PIEZO2: variants seen among roughly 807,000 people sequenced by gnomAD.
PIEZO2 encodes piezo type mechanosensitive ion channel component 2, also known as piezo-type mechanosensitive ion channel component 2.
In PIEZO2, 172 loss-of-function variants were observed where a neutral mutation model predicts 337.3. The observed-to-expected ratio is 0.51, with a 90% CI of 0.45 to 0.58. The LOEUF (loss-of-function observed/expected upper bound fraction) is 0.58, where lower values mean the gene tolerates loss of function less well. Ranked by LOEUF, PIEZO2 falls within the 20% of genes least tolerant of loss-of-function variation. PIEZO2 has a pLI of 0.00. For synonymous variants in PIEZO2, 1,251 were observed against 1,228.5 expected, an observed-to-expected ratio of 1.02 and a Z score of -0.38; for missense variants, 3,028 against 3,391.3, an observed-to-expected ratio of 0.89 and a Z score of 2.66.
At chr18:10,849,796 G>A (rs999293296) in intron 7 of PIEZO2, among the ~76,000 whole-genome samples, 1 of 152,206 alleles carries the variant, frequency 6.6e-6, no homozygotes, top group Non-Finnish European at 1.5e-5. Context: ...CATTAGCTGA[G>A]GCAAATTTTG....
chr18:10,860,331 T>A (rs1162702988), intron 5 of PIEZO2, among the ~76,000 whole-genome samples: 1 of 152,188 alleles, frequency 6.6e-6, no homozygotes, highest in Non-Finnish European at 1.5e-5. Flanking sequence ...TCAGCATTCC[T>A]TGCAAGAAAT....
Position 10,773,886 on chromosome 18 carries a change from G to C in PIEZO2, c.2567+120C>G, listed in dbSNP as rs2038694084. The stretch of plus-strand genomic sequence containing the variant: ...TTCTAGTGATTAGTTGGTAATGAGA[G>C]CTATCAACACCTAAACTTGACATTT... On this transcript the variant is annotated intron_variant, in intron 19 of 55. Transcript: ENST00000674853. This position sits in a 1 kb window ranked among gnomAD's most constrained non-coding sequence, Gnocchi z 5.3. 1.6e-6 allele frequency: 1 copy of C among 643,508 alleles called. No homozygotes were observed. The highest frequency in any genetic ancestry group is 1.8e-5 in the African/African-American group (1 of 54,812). The allele number at this position is 643,508 out of a possible 1,614,324, so 39.9% of individuals were successfully genotyped here.
At chr18:10,693,892 A>T (rs1266002404) in intron 47 of PIEZO2, among the ~76,000 whole-genome samples, 1 of 152,160 alleles carries the variant, frequency 6.6e-6, no homozygotes, top group African/African-American at 2.4e-5. Flanking sequence ...AATGTATTTT[A>T]TGTATTCTAT....
At chr18:10,717,003 G>A (rs2036036532) in intron 37 of PIEZO2, among the ~76,000 whole-genome samples, 1 of 152,092 alleles carries the variant, frequency 6.6e-6, no homozygotes, top group Non-Finnish European at 1.5e-5. Context: ...GTGAGGACTC[G>A]ACTTTAACCA....
chr18:10,677,731 GA>G lies in PIEZO2; in HGVS notation c.8081+15del, dbSNP rs1384421632. 2 of 1,605,204 alleles carry G rather than the reference GA, an allele frequency of 1.2e-6. No individual in the cohort carries two copies. Among genetic ancestry groups the G allele is most frequent in the Non-Finnish European group, 1.7e-6 (2 of 1,177,948 alleles). On this transcript the variant is annotated intron_variant, in intron 53 of 55. Coordinates refer to ENST00000674853, the MANE Select transcript of PIEZO2 (RefSeq NM_001378183.1). This position sits in a 1 kb window ranked among gnomAD's most constrained non-coding sequence, Gnocchi z 4.1. Reference sequence around the variant, plus strand: ...ATACCTAACAAAGCTCTATTAGTAGGAAAAAATACACTTACACTGGTGTTTT... The same window carrying G: ...ATACCTAACAAAGCTCTATTAGTAGGAAAAATACACTTACACTGGTGTTTT...
At chr18:11,091,393 A>G (rs1242239474) in intron 1 of PIEZO2, among the ~76,000 whole-genome samples, 2 of 123,202 alleles carry the variant, frequency 1.6e-5, no homozygotes, top group African/African-American at 5.7e-5. Context: ...CAAAAAAAAA[A>G]AAAAAAGAAA....
At chr18:10,907,318 A>G (rs117097309) in intron 4 of PIEZO2, among the ~76,000 whole-genome samples, 2,519 of 152,102 alleles carry the variant, frequency 0.017, 28 homozygotes, top group Middle Eastern at 0.065. Context: ...TGGCGGGTGC[A>G]TGTAATCTCA....
intron 2 of PIEZO2, among the ~76,000 whole-genome samples, chr18:11,058,192 G>C (rs760318996): frequency 2.0e-5 from 3 of 152,200 alleles, no homozygotes; most frequent in Admixed American, 6.5e-5. Flanking sequence ...CAGGCAAACA[G>C]GGTCTGGAGT....
chr18:10,696,283 G>A lies in PIEZO2; in HGVS notation c.6981C>T (p.His2327=). The A allele has an allele frequency of 1.9e-6, 3 of 1,614,184 alleles. No homozygotes were observed. Among genetic ancestry groups the A allele is most frequent in the African/African-American group, 1.3e-5 (1 of 75,052 alleles). Residue 2327 remains histidine (H), a synonymous_variant, in exon 47 of 56, where the codon CAC becomes CAT. Coordinates refer to ENST00000674853, the MANE Select transcript of PIEZO2 (RefSeq NM_001378183.1). The part of the protein sequence containing the change: ...IVFGFWAFGK[H]SAAADITSSL... ...AAGAGGTGATGTCTGCAGCTGCTGA[G>A]TGTTTCTGGGGAAGAGACAACAAAT...
intron 7 of PIEZO2, among the ~76,000 whole-genome samples, chr18:10,832,329 G>C (rs533732134): frequency 3.3e-5 from 5 of 152,256 alleles, no homozygotes; most frequent in East Asian, 1.9e-4. Flanking sequence ...TTAGGGGAAG[G>C]GGGGGATATA....
intron 4 of PIEZO2, among the ~76,000 whole-genome samples, chr18:10,873,802 A>G (rs2042198151): frequency 6.6e-6 from 1 of 152,154 alleles, no homozygotes. Flanking sequence ...TGACACTACT[A>G]GAAGAAAACA....
At chr18:10,777,611 T>A (rs2038834980) in intron 18 of PIEZO2, among the ~76,000 whole-genome samples, 1 of 152,202 alleles carries the variant, frequency 6.6e-6, no homozygotes, top group African/African-American at 2.4e-5. Context: ...TTTGAAAAGC[T>A]GCATAGTAAA....
rs753888652 is a variant in PIEZO2 at position 10,698,904 on chromosome 18, A to C, written c.6694+21T>G. 3.0e-5 allele frequency: 46 copies of C among 1,535,716 alleles called. 1 individual carries two copies. In the South Asian group the frequency reaches 4.0e-4, roughly 14 times the overall value. Reference sequence around the variant, plus strand: ...CACCTGGGAGCTAACTACAGCCTAGATATATTGTGTCGACAGATACCTCTT... The same window carrying C: ...CACCTGGGAGCTAACTACAGCCTAGCTATATTGTGTCGACAGATACCTCTT... On this transcript the variant is annotated intron_variant, in intron 44 of 55. Transcript: ENST00000674853.
intron 49 of PIEZO2, among the ~76,000 whole-genome samples, chr18:10,687,585 C>T (rs1177033012): frequency 6.6e-6 from 1 of 152,128 alleles, no homozygotes; most frequent in African/African-American, 2.4e-5. Flanking sequence ...CATGACTTTG[C>T]CAACCCTATC....
intron 53 of PIEZO2, among the ~76,000 whole-genome samples, chr18:10,675,910 T>C (rs1291930007): frequency 6.6e-6 from 1 of 152,194 alleles, no homozygotes; most frequent in Non-Finnish European, 1.5e-5. Context: ...CCATGTAAGA[T>C]GTGCCTTTAC....
At position 11,069,248 on chromosome 18, in the gene PIEZO2, T is replaced by A. The variant is rs138392018; in HGVS notation, c.65-3026A>T. On this transcript the variant is annotated intron_variant, in intron 1 of 55. Transcript: ENST00000674853. The surrounding 1 kb of genome is among the most constrained non-coding windows in gnomAD (Gnocchi z 4.9). ...AAGGAAAGAAAATTACAGGCCAGTG[T>A]CCTTGATGAACACAGATGCACAAGT... Among the ~76,000 whole-genome samples, 73 of 152,274 alleles carry A rather than the reference T, an allele frequency of 4.8e-4. No individual in the cohort carries two copies. Among genetic ancestry groups the A allele is most frequent in the African/African-American group, 1.7e-3 (72 of 41,558 alleles).
intron 3 of PIEZO2, among the ~76,000 whole-genome samples, chr18:10,956,929 T>G (rs1380236376): frequency 6.6e-6 from 1 of 150,654 alleles, no homozygotes; most frequent in Non-Finnish European, 1.5e-5. Flanking sequence ...AGATCACACC[T>G]TTGTGCCCCA....
chr18:10,743,862 G>T (rs2037320001), intron 31 of PIEZO2, among the ~76,000 whole-genome samples: 1 of 152,076 alleles, frequency 6.6e-6, no homozygotes, highest in African/African-American at 2.4e-5. Flanking sequence ...CCTGTTCAAG[G>T]TTCTAAAGTA....
intron 53 of PIEZO2, among the ~76,000 whole-genome samples, chr18:10,675,693 G>T (rs996329546): frequency 2.0e-5 from 3 of 152,104 alleles, no homozygotes; most frequent in African/African-American, 7.2e-5. Context: ...GGCTGATATG[G>T]TTTGGTTGTG....
Sources: allele counts gnomAD v4.1 joint callset (sites outside exome capture counted in the v4.1 genomes callset), GRCh38; gene constraint gnomAD v4.1.1; non-coding constraint Gnocchi (gnomAD v3.1); transcripts MANE v1.5; gene names NCBI Gene and HGNC (gene_info 2026-07-23, HGNC 2026-07-21).